Variants in SEMA6D observed in about 807,000 individuals in gnomAD.
SEMA6D encodes semaphorin 6D, also known as semaphorin-6D.
In SEMA6D, 35 loss-of-function variants were observed where a neutral mutation model predicts 106.6. That is an observed-to-expected ratio of 0.33 (90% CI 0.25 to 0.44). SEMA6D has a LOEUF of 0.44. Ranked by LOEUF, SEMA6D falls within the 20% of genes least tolerant of loss-of-function variation. The pLI is 1.00. For missense variants in SEMA6D, 1,185 were observed against 1,345.9 expected, an observed-to-expected ratio of 0.88 and a Z score of 1.87; for synonymous variants, 499 against 487.7, an observed-to-expected ratio of 1.02 and a Z score of -0.31.
At chr15:47,495,256 A>T (rs1035051230) in intron 3 of SEMA6D, among the ~76,000 whole-genome samples, 1 of 149,596 alleles carries the variant, frequency 6.7e-6, no homozygotes, top group African/African-American at 2.4e-5. Context: ...CCTTTGCTAT[A>T]TTTTTTTTTT....
chr15:47,237,839 A>G (rs905471806), intron 1 of SEMA6D, among the ~76,000 whole-genome samples: 2 of 152,094 alleles, frequency 1.3e-5, no homozygotes, highest in South Asian at 2.1e-4. Flanking sequence ...TGCTCTTACA[A>G]ATCTCTTTGG....
At chr15:47,486,591 G>GAAAACAGACCTACCAAA in intron 3 of SEMA6D, among the ~76,000 whole-genome samples, 2 of 152,270 alleles carry the variant, frequency 1.3e-5, no homozygotes, top group Non-Finnish European at 1.5e-5. Flanking sequence ...ACCTACCAAA[G>GAAAACAGACCTACCAAA]AACTACATCT....
At chr15:47,292,239 A>T (rs1298112925) in intron 1 of SEMA6D, among the ~76,000 whole-genome samples, 3 of 152,208 alleles carry the variant, frequency 2.0e-5, no homozygotes, top group Non-Finnish European at 4.4e-5. Flanking sequence ...GTATAAAAAG[A>T]TGTGATACTT....
At chr15:47,518,589 T>C (rs1039305220) in intron 3 of SEMA6D, among the ~76,000 whole-genome samples, 6 of 152,180 alleles carry the variant, frequency 3.9e-5, no homozygotes, top group African/African-American at 7.2e-5. Flanking sequence ...ACGGTAAGTA[T>C]TTATATATCT....
chr15:47,687,048 A>G (rs1176988415), intron 4 of SEMA6D, among the ~76,000 whole-genome samples: 1 of 145,346 alleles, frequency 6.9e-6, no homozygotes. Context: ...CCTAGGTGAC[A>G]CAGCAAGACC....
intron 2 of SEMA6D, among the ~76,000 whole-genome samples, chr15:47,446,922 C>T (rs531108111): frequency 6.6e-6 from 1 of 152,228 alleles, no homozygotes; most frequent in African/African-American, 2.4e-5. Flanking sequence ...TATTTCTCCT[C>T]TTAAAAACCT....
intron 2 of SEMA6D, among the ~76,000 whole-genome samples, chr15:47,442,814 A>G (rs555350350): frequency 1.3e-5 from 2 of 152,222 alleles, no homozygotes; most frequent in East Asian, 3.9e-4. Flanking sequence ...GATTCTTTGT[A>G]TAGAAAAAGG....
intron 2 of SEMA6D, among the ~76,000 whole-genome samples, chr15:47,431,214 T>C (rs898809260): frequency 8.5e-5 from 13 of 152,192 alleles, no homozygotes; most frequent in Admixed American, 6.5e-5. Flanking sequence ...TTAAGATTTC[T>C]CTTTGTAATA....
intron 2 of SEMA6D, among the ~76,000 whole-genome samples, chr15:47,453,024 A>C (rs2042238504): frequency 6.6e-6 from 1 of 151,974 alleles, no homozygotes; most frequent in African/African-American, 2.4e-5. Context: ...ATTTAAAAAG[A>C]AAAAGTAAAG....
chr15:47,391,229 G>A (rs147465186), intron 1 of SEMA6D, among the ~76,000 whole-genome samples: 270 of 152,250 alleles, frequency 1.8e-3, no homozygotes, highest in African/African-American at 6.3e-3. Flanking sequence ...TCTCTGAGCT[G>A]CTCTTTGGTC....
intron 4 of SEMA6D, among the ~76,000 whole-genome samples, chr15:47,685,822 C>G (rs1332677431): frequency 1.3e-5 from 2 of 152,152 alleles, no homozygotes; most frequent in Non-Finnish European, 2.9e-5. Context: ...ACCCCAGAAA[C>G]TTGTGCCATG....
chr15:47,543,112 C>A (rs1274653073), intron 3 of SEMA6D, among the ~76,000 whole-genome samples: 1 of 152,110 alleles, frequency 6.6e-6, no homozygotes, highest in African/African-American at 2.4e-5. Flanking sequence ...ATCACTATAT[C>A]AGCAATGCTT....
At chr15:47,227,998 A>ATTTTATATTTAAGAATCTTATATATT (rs2031893445) in intron 1 of SEMA6D, among the ~76,000 whole-genome samples, 14 of 114,750 alleles carry the variant, frequency 1.2e-4, no homozygotes, top group Admixed American at 8.2e-4. Context: ...ATTCTTATAT[A>ATTTTATATTTAAGAATCTTATATATT]TTTTATATAT....
intron 1 of SEMA6D, among the ~76,000 whole-genome samples, chr15:47,314,935 G>C (rs1205808654): frequency 2.8e-4 from 38 of 134,438 alleles, no homozygotes; most frequent in Admixed American, 4.9e-4. Context: ...GCGCAATCTC[G>C]GCTCACTGCA....
intron 1 of SEMA6D, among the ~76,000 whole-genome samples, chr15:47,256,433 T>C (rs1359408368): frequency 6.6e-6 from 1 of 152,240 alleles, no homozygotes; most frequent in Non-Finnish European, 1.5e-5. Flanking sequence ...GTTAAGTGTA[T>C]ACTTATGTAC....
At chr15:47,516,471 A>C (rs1048419326) in intron 3 of SEMA6D, among the ~76,000 whole-genome samples, 72 of 152,290 alleles carry the variant, frequency 4.7e-4, no homozygotes, top group African/African-American at 1.7e-3. Flanking sequence ...ATTACTGTCA[A>C]ACTGAGTGGA....
chr15:47,598,838 T>C (rs1174891768), intron 3 of SEMA6D, among the ~76,000 whole-genome samples: 1 of 152,102 alleles, frequency 6.6e-6, no homozygotes, highest in Non-Finnish European at 1.5e-5. Flanking sequence ...TAGCAAATAA[T>C]AACAGGTTTT....
chr15:47,766,759 T>A, intron 16 of SEMA6D, 82 bp downstream of exon 16: 2 of 986,288 alleles, frequency 2.0e-6, no homozygotes, highest in Non-Finnish European at 3.2e-6. Context: ...ATCAGTCTTT[T>A]TAATGACTCA....
intron 1 of SEMA6D, among the ~76,000 whole-genome samples, chr15:47,211,790 T>C (rs62017396): frequency 0.012 from 1,853 of 152,218 alleles, 43 homozygotes; most frequent in Admixed American, 0.012. Flanking sequence ...AGATAATTAT[T>C]AAGTGGGTTT....
Sources: gnomAD v4.1 joint callset for allele counts (sites outside exome capture counted in the v4.1 genomes callset) on GRCh38, gnomAD v4.1.1 for gene constraint, MANE v1.5 for transcripts, NCBI Gene and HGNC (gene_info 2026-07-23, HGNC 2026-07-21) for gene names.